The following ROBO2 variants were observed in gnomAD, a reference collection of about 807,000 sequenced individuals.
ROBO2 encodes the protein roundabout guidance receptor 2.
In ROBO2, 53 loss-of-function variants were observed where a neutral mutation model predicts 160.8. That is an observed-to-expected ratio of 0.33 (90% CI 0.26 to 0.41). ROBO2 has a LOEUF of 0.41. ROBO2 is among the 10% of genes least tolerant of loss of function. The probability of loss-of-function intolerance (pLI) is 1.00; values close to 1 mark genes in which losing one functional copy is unlikely to be tolerated. For synonymous variants in ROBO2, 664 were observed against 611.7 expected, an observed-to-expected ratio of 1.09 and a Z score of -1.26; for missense variants, 1,577 against 1,722.4, an observed-to-expected ratio of 0.92 and a Z score of 1.49.
At chr3:77,635,405 T>C (rs2095247119) in intron 24 of ROBO2, among the ~76,000 whole-genome samples, 1 of 152,196 alleles carries the variant, frequency 6.6e-6, no homozygotes, top group Admixed American at 6.5e-5. Context: ...TACAATATCT[T>C]AGCTGCTATT....
chr3:76,840,676 A>ATATAT (rs1559586498), intron 2 of ROBO2, among the ~76,000 whole-genome samples: 9 of 138,650 alleles, frequency 6.5e-5, no homozygotes, highest in African/African-American at 1.6e-4. Context: ...TATATATATA[A>ATATAT]GATGAAGTAA....
chr3:77,477,617 C>G, intron 3 of ROBO2, 46 bp downstream of exon 3: 2 of 1,539,650 alleles, frequency 1.3e-6, no homozygotes, highest in Non-Finnish European at 1.8e-6. Flanking sequence ...AATTTTCAGT[C>G]TCAAAATACA....
intron 2 of ROBO2, among the ~76,000 whole-genome samples, chr3:76,305,495 T>A (rs1207900918): frequency 6.7e-6 from 1 of 150,096 alleles, no homozygotes; most frequent in Non-Finnish European, 1.5e-5. Context: ...GTGTGGTGAT[T>A]TATGCCTGTA....
intron 2 of ROBO2, among the ~76,000 whole-genome samples, chr3:77,237,648 A>C (rs1449649475): frequency 6.6e-6 from 1 of 152,130 alleles, no homozygotes; most frequent in African/African-American, 2.4e-5. Flanking sequence ...ACCTATTGAC[A>C]TGTCAGTTAC....
chr3:77,367,845 T>C (rs1219780333), intron 2 of ROBO2, among the ~76,000 whole-genome samples: 1 of 152,192 alleles, frequency 6.6e-6, no homozygotes, highest in Non-Finnish European at 1.5e-5. Context: ...TGTGGTTCTT[T>C]ATGTGAATAT....
At chr3:77,242,857 T>C (rs2089231714) in intron 2 of ROBO2, among the ~76,000 whole-genome samples, 1 of 151,380 alleles carries the variant, frequency 6.6e-6, no homozygotes, top group African/African-American at 2.4e-5. Flanking sequence ...TATAATGGCC[T>C]ATTGTACTAT....
intron 2 of ROBO2, among the ~76,000 whole-genome samples, chr3:77,313,999 T>G (rs1024147243): frequency 2.6e-5 from 4 of 152,220 alleles, no homozygotes; most frequent in Non-Finnish European, 5.9e-5. Context: ...AAGTATTGAC[T>G]TTCCTTCAGT....
chr3:76,692,988 G>A (rs2092837037), intron 2 of ROBO2, among the ~76,000 whole-genome samples: 1 of 148,070 alleles, frequency 6.8e-6, no homozygotes, highest in African/African-American at 2.5e-5. Context: ...ATACACATAT[G>A]TGTATGTATA....
chr3:77,485,361 C>T (rs887365850), intron 4 of ROBO2, among the ~76,000 whole-genome samples: 6 of 152,092 alleles, frequency 3.9e-5, no homozygotes, highest in African/African-American at 1.4e-4. Flanking sequence ...CATTTAGCAT[C>T]TCATGATGCT....
rs140115308 is a variant in ROBO2, at chr3:77,554,801, T to C, written c.1232-3143T>C. Among the ~76,000 whole-genome samples, 560 of 152,150 alleles carry C rather than the reference T, an allele frequency of 3.7e-3. 5 individuals are homozygous for C. Among genetic ancestry groups the C allele is most frequent in the Non-Finnish European group, 3.1e-3 (213 of 67,966 alleles). On this transcript the variant is annotated intron_variant, in intron 8 of 25. Transcript: ENST00000461745. The stretch of plus-strand genomic sequence containing the variant: ...TGACTTGAGATGGAATCTACTTCTA[T>C]TCAAGATTGTTGAAGTGATAACAAA...
intron 2 of ROBO2, among the ~76,000 whole-genome samples, chr3:76,562,027 C>G (rs2084212748): frequency 6.6e-6 from 1 of 152,028 alleles, no homozygotes; most frequent in Non-Finnish European, 1.5e-5. Context: ...ATTTACATCT[C>G]AATTTAATGG....
At chr3:77,431,168 C>T (rs980437370) in intron 2 of ROBO2, among the ~76,000 whole-genome samples, 3 of 152,184 alleles carry the variant, frequency 2.0e-5, no homozygotes, top group Admixed American at 1.3e-4. Flanking sequence ...TCAGCCGGAG[C>T]TGGTTTCAGT....
intron 2 of ROBO2, among the ~76,000 whole-genome samples, chr3:76,713,434 G>A (rs1400458446): frequency 6.6e-6 from 1 of 152,000 alleles, no homozygotes; most frequent in Non-Finnish European, 1.5e-5. Flanking sequence ...ACTTGGCTGT[G>A]TCTTCCCCCA....
intron 2 of ROBO2, among the ~76,000 whole-genome samples, chr3:76,028,830 T>A (rs1011369615): frequency 2.6e-5 from 4 of 151,986 alleles, no homozygotes; most frequent in African/African-American, 9.7e-5. Flanking sequence ...TTAAAAATTT[T>A]TACATAAAAA....
chr3:76,912,969 G>C (rs2076083160), intron 2 of ROBO2, among the ~76,000 whole-genome samples: 1 of 151,878 alleles, frequency 6.6e-6, no homozygotes, highest in Non-Finnish European at 1.5e-5. Flanking sequence ...AAAAAAATAG[G>C]TCTTATACGT....
At chr3:76,267,183 T>A (rs533317694) in intron 2 of ROBO2, among the ~76,000 whole-genome samples, 24 of 152,286 alleles carry the variant, frequency 1.6e-4, no homozygotes, top group African/African-American at 5.8e-4. Context: ...ACACATGTCT[T>A]ACAATGCCCT....
rs184188098 is a variant in ROBO2 at position 76,432,783 on chromosome 3, G to A, written c.109+495181G>A. Among the ~76,000 whole-genome samples the A allele has an allele frequency of 4.1e-3, 625 of 151,824 alleles. 6 individuals are homozygous for A. Among genetic ancestry groups the A allele is most frequent in the Non-Finnish European group, 4.5e-3 (307 of 67,964 alleles). ...ATTTGAGAGAAACCTATACAAACAC[G>A]CATAACCGAAAAAACAGGGCATTGG... On this transcript the variant is annotated intron_variant, in intron 2 of 26. Coordinates refer to the ROBO2 transcript ENST00000487694.
chr3:77,108,422 C>T (rs1560026763), intron 2 of ROBO2, among the ~76,000 whole-genome samples: 2 of 152,050 alleles, frequency 1.3e-5, no homozygotes, highest in South Asian at 2.1e-4. Context: ...ATGTGACCCC[C>T]CCCTACCTTG....
rs916744776 is a variant in ROBO2, at chr3:76,478,681, T to G, written c.109+541079T>G. Among the ~76,000 whole-genome samples, 4 of 78,812 alleles carry G rather than the reference T, an allele frequency of 5.1e-5. No homozygotes were observed. In the South Asian group the frequency reaches 1.3e-3, roughly 25 times the overall value. The allele number at this position is 78,812 out of a possible 152,430, so 51.7% of individuals were successfully genotyped here. On this transcript the variant is annotated intron_variant, in intron 2 of 26. Coordinates refer to the ROBO2 transcript ENST00000487694. Reference sequence around the variant, plus strand: ...CCAACATCACACACTTTTTTCTCTGTTTTTTTTTTTTTTTTTTTGAGAGAC... The same window carrying G: ...CCAACATCACACACTTTTTTCTCTGGTTTTTTTTTTTTTTTTTTGAGAGAC...
Sources: allele counts gnomAD v4.1 joint callset (sites outside exome capture counted in the v4.1 genomes callset), GRCh38; gene constraint gnomAD v4.1.1; transcripts MANE v1.5; gene names NCBI Gene and HGNC (gene_info 2026-07-23, HGNC 2026-07-21).